SERGEF: variants seen among roughly 807,000 people sequenced by gnomAD.
SERGEF encodes secretion regulating guanine nucleotide exchange factor.
SERGEF carries 51 observed loss-of-function variants against 50.0 expected under a neutral mutation model. The ratio of observed to expected loss-of-function variants is 1.02; its 90% confidence interval spans 0.81 to 1.29. The LOEUF (loss-of-function observed/expected upper bound fraction) is 1.29, where lower values mean the gene tolerates loss of function less well. Among genes scored for constraint, SERGEF ranks in the 50% most tolerant of loss-of-function variants. SERGEF has a pLI of 0.00. For missense variants in SERGEF, 521 were observed against 557.0 expected, an observed-to-expected ratio of 0.94 and a Z score of 0.65; for synonymous variants, 205 against 212.4, an observed-to-expected ratio of 0.97 and a Z score of 0.30.
intron 7 of SERGEF, among the ~76,000 whole-genome samples, chr11:17,990,836 G>A (rs772736149): frequency 1.7e-4 from 25 of 150,968 alleles, no homozygotes; most frequent in Non-Finnish European, 3.1e-4. Flanking sequence ...GTGTGATCTC[G>A]GCTCACTGCA....
intron 9 of SERGEF, among the ~76,000 whole-genome samples, chr11:17,898,522 T>C (rs76979785): frequency 0.011 from 1,685 of 152,298 alleles, 27 homozygotes; most frequent in African/African-American, 0.039. Context: ...ATTTAGCATC[T>C]TGGACAAAGT....
chr11:17,933,532 C>A (rs868287565), intron 9 of SERGEF, among the ~76,000 whole-genome samples: 1 of 152,096 alleles, frequency 6.6e-6, no homozygotes, highest in Non-Finnish European at 1.5e-5. Context: ...TCTATCTGGG[C>A]TTCAGGTTCC....
chr11:17,790,912 T>TTAAGTTGCCAATTCTGTATATA (rs1394232942), intron 10 of SERGEF, among the ~76,000 whole-genome samples: 1 of 152,244 alleles, frequency 6.6e-6, no homozygotes, highest in African/African-American at 2.4e-5. Context: ...GCCTCTTCTG[T>TTAAGTTGCCAATTCTGTATATA]GAATTGTCTA....
chr11:17,942,460 T>C (rs868293222), intron 9 of SERGEF, among the ~76,000 whole-genome samples: 2 of 152,354 alleles, frequency 1.3e-5, no homozygotes, highest in South Asian at 4.1e-4. Flanking sequence ...TTTTGAACGT[T>C]GATTTTGTAC....
chr11:17,837,090 G>A (rs1357085937), intron 10 of SERGEF, among the ~76,000 whole-genome samples: 1 of 152,110 alleles, frequency 6.6e-6, no homozygotes, highest in East Asian at 1.9e-4. Context: ...GGTACATCCT[G>A]GCAGTCAGGT....
At position 17,959,540 on chromosome 11, in the gene SERGEF, G is replaced by T. The variant is rs142284141; in HGVS notation, c.941C>A (p.Ser314Ter). 6 of 1,613,964 alleles carry T rather than the reference G, an allele frequency of 3.7e-6. No homozygotes were observed. The highest frequency in any genetic ancestry group is 2.7e-5 in the African/African-American group (2 of 74,924). ...YEGWKLEKQD[S>*]FLPCSRPPNS... ...CGGTGGTCTTGAACAGGGGAGAAAT[G>T]AATCTTGCTTTTCTAGTTTCCAGCC... The change falls in exon 9 of 11, where the codon TCA (serine) becomes TAA (stop). Residue 314 changes from serine to a stop codon, truncating the protein, a stop_gained. Transcript: ENST00000265965. LOFTEE classifies it high-confidence loss of function.
intron 9 of SERGEF, among the ~76,000 whole-genome samples, chr11:17,903,941 A>T (rs1057184492): frequency 2.0e-5 from 3 of 152,188 alleles, no homozygotes; most frequent in Admixed American, 2.0e-4. Flanking sequence ...GAACACTATA[A>T]TCCCTCCTTC....
chr11:17,878,277 T>C (rs1420820077), intron 9 of SERGEF, 33 bp from the exon 10 acceptor site: 4 of 1,483,156 alleles, frequency 2.7e-6, no homozygotes, highest in Non-Finnish European at 3.7e-6. Flanking sequence ...AGAAAATGGA[T>C]AGATATTTCA....
intron 10 of SERGEF, among the ~76,000 whole-genome samples, chr11:17,844,273 A>C (rs1850559694): frequency 6.6e-6 from 1 of 152,192 alleles, no homozygotes; most frequent in African/African-American, 2.4e-5. Context: ...ATACATTCAC[A>C]TGACATTTTA....
intron 10 of SERGEF, among the ~76,000 whole-genome samples, chr11:17,833,846 A>G (rs929451891): frequency 3.3e-5 from 5 of 152,164 alleles, no homozygotes; most frequent in Non-Finnish European, 7.4e-5. Flanking sequence ...TATTTACCCA[A>G]TGCCTGTAAC....
intron 9 of SERGEF, among the ~76,000 whole-genome samples, chr11:17,939,042 T>C (rs1277337558): frequency 6.6e-6 from 1 of 152,224 alleles, no homozygotes; most frequent in Non-Finnish European, 1.5e-5. Flanking sequence ...ATGTTTATTC[T>C]GGACTCTATT....
At position 18,012,950 on chromosome 11, in the gene SERGEF, C is replaced by T; in HGVS notation, c.60+1G>A. The stretch of plus-strand genomic sequence containing the variant: ...ACCGGCCCGGGGGCGGAGTCACGTA[C>T]CCAGGCGAAGAGCGCGGCCGCCGCG... On this transcript the variant is annotated splice_donor_variant, in intron 1 of 10. Coordinates refer to ENST00000265965, the MANE Select transcript of SERGEF (RefSeq NM_012139.4). LOFTEE classifies it high-confidence loss of function. The T allele has an allele frequency of 4.7e-6, 7 of 1,502,402 alleles. No homozygotes were observed. The highest frequency in any genetic ancestry group is 6.2e-6 in the Non-Finnish European group (7 of 1,134,882). 93.1% of individuals were successfully genotyped at this position (1,502,402 alleles called of 1,614,324 possible). A position where few individuals can be genotyped will look rare whatever the true frequency, so the allele number is the denominator to read the frequency against.
At chr11:17,886,916 A>G (rs1427558207) in intron 9 of SERGEF, among the ~76,000 whole-genome samples, 18 of 152,166 alleles carry the variant, frequency 1.2e-4, no homozygotes, top group Admixed American at 1.2e-3. Flanking sequence ...ACCTGTCTCA[A>G]TGTGGATTAA....
chr11:17,826,631 T>C (rs1466906176), intron 10 of SERGEF, among the ~76,000 whole-genome samples: 1 of 152,222 alleles, frequency 6.6e-6, no homozygotes, highest in Non-Finnish European at 1.5e-5. Flanking sequence ...ACAATGTGAA[T>C]GTATTTAATG....
chr11:17,955,567 CTAG>C (rs1189737857), intron 9 of SERGEF, among the ~76,000 whole-genome samples: 1 of 152,156 alleles, frequency 6.6e-6, no homozygotes, highest in African/African-American at 2.4e-5. Flanking sequence ...GAGGTCAGTC[CTAG>C]GCAATAAGGG....
chr11:17,840,782 T>C (rs1184089983), intron 10 of SERGEF, among the ~76,000 whole-genome samples: 2 of 152,206 alleles, frequency 1.3e-5, no homozygotes, highest in East Asian at 3.8e-4. Flanking sequence ...TTTAGTATTC[T>C]CTAAAATCAC....
chr11:17,889,041 A>G (rs1851485123), intron 9 of SERGEF, among the ~76,000 whole-genome samples: 1 of 152,238 alleles, frequency 6.6e-6, no homozygotes, highest in Non-Finnish European at 1.5e-5. Context: ...ACTGAGCAAT[A>G]GATAGATAGG....
chr11:18,012,890 G>A (rs1854228679), intron 1 of SERGEF, 61 bp downstream of exon 1: 12 of 1,530,148 alleles, frequency 7.8e-6, no homozygotes, highest in Non-Finnish European at 1.0e-5. Flanking sequence ...GCCGCGGCCA[G>A]CAGCTCCCAC....
At chr11:17,836,882 TC>T (rs2133858880) in intron 10 of SERGEF, among the ~76,000 whole-genome samples, 1 of 152,258 alleles carries the variant, frequency 6.6e-6, no homozygotes, top group East Asian at 1.9e-4. Context: ...AGTTTACCTC[TC>T]CAGAGACAAG....
Sources: allele counts gnomAD v4.1 joint callset (sites outside exome capture counted in the v4.1 genomes callset), GRCh38; gene constraint gnomAD v4.1.1; transcripts MANE v1.5; gene names NCBI Gene and HGNC (gene_info 2026-07-23, HGNC 2026-07-21).